PPM1H: variants seen among roughly 807,000 people sequenced by gnomAD.
The protein encoded by PPM1H is protein phosphatase, Mg2+/Mn2+ dependent 1H.
Under a neutral mutation model 54.9 loss-of-function variants are expected in PPM1H, and 27 were observed. That is an observed-to-expected ratio of 0.49 (90% CI 0.36 to 0.68). PPM1H has a LOEUF of 0.68. Among genes scored for constraint, PPM1H ranks in the 30% least tolerant of loss-of-function variants. PPM1H has a pLI of 0.00. For synonymous variants in PPM1H, 305 were observed against 270.8 expected (o/e 1.13, Z -1.24); for missense variants, 596 against 667.8 (o/e 0.89, Z 1.19).
chr12:62,667,383 C>T lies in PPM1H; in HGVS notation c.1246-54G>A, dbSNP rs377178147. On this transcript the variant is annotated intron_variant, in intron 8 of 9. Coordinates refer to ENST00000228705, the MANE Select transcript of PPM1H (RefSeq NM_020700.2). ...AAGAAATTGGAAGCATATTATTCTC[C>T]CTAACAAACTGACTTCTGATTCCCC... The T allele has an allele frequency of 4.3e-6, 6 of 1,408,340 alleles. No individual in the cohort carries two copies. The African/African-American group carries it at 8.6e-5, about 20-fold the overall frequency. The allele number at this position is 1,408,340 out of a possible 1,614,324, so 87.2% of individuals were successfully genotyped here. A position where few individuals can be genotyped will look rare whatever the true frequency, so the allele number is the denominator to read the frequency against.
Position 62,644,360 on chromosome 12 carries a change from C to G in PPM1H, c.*4129G>C, listed in dbSNP as rs1344091970. The G allele has an allele frequency of 1.3e-5, 2 of 152,144 alleles. No individual in the cohort carries two copies. The highest frequency in any genetic ancestry group is 4.8e-5 in the African/African-American group (2 of 41,420). The allele number at this position is 152,144 out of a possible 1,614,324, so 9.4% of individuals were successfully genotyped here. A position where few individuals can be genotyped will look rare whatever the true frequency, so the allele number is the denominator to read the frequency against. ...GGAGTAAAATAATAACCTCAGGACT[C>G]AGGAAACAAACACAAAATACTTGTG... On this transcript the variant is annotated 3_prime_UTR_variant, in exon 10 of 10. Coordinates refer to ENST00000228705, the MANE Select transcript of PPM1H (RefSeq NM_020700.2).
chr12:62,833,676 G>A (rs953055665), intron 1 of PPM1H, among the ~76,000 whole-genome samples: 12 of 152,162 alleles, frequency 7.9e-5, no homozygotes, highest in Non-Finnish European at 1.2e-4. Context: ...GTAAGCGAGC[G>A]TGTTTCAAAG....
chr12:62,725,002 G>C (rs1256299202), intron 5 of PPM1H, among the ~76,000 whole-genome samples: 3 of 152,180 alleles, frequency 2.0e-5, no homozygotes, highest in Non-Finnish European at 2.9e-5. Context: ...CGGTGACGCA[G>C]CATTTTTTAA....
At chr12:62,843,021 A>G (rs745826607) in intron 1 of PPM1H, among the ~76,000 whole-genome samples, 1 of 152,170 alleles carries the variant, frequency 6.6e-6, no homozygotes, top group African/African-American at 2.4e-5. Flanking sequence ...AGAAATGTTA[A>G]AAGTGTTTCA....
chr12:62,751,512 C>T (rs2076442665), intron 4 of PPM1H, among the ~76,000 whole-genome samples: 1 of 152,182 alleles, frequency 6.6e-6, no homozygotes, highest in South Asian at 2.1e-4. Context: ...GAAATCACAT[C>T]AAATCAGTAA....
chr12:62,818,121 T>C (rs902642375), intron 2 of PPM1H, among the ~76,000 whole-genome samples: 4 of 152,236 alleles, frequency 2.6e-5, no homozygotes, highest in Non-Finnish European at 4.4e-5. Flanking sequence ...TTCCTGGTTA[T>C]GGCCACAATA....
At chr12:62,832,387 G>A (rs1276606002) in intron 1 of PPM1H, 108 bp from the exon 2 acceptor site, 172 of 1,036,836 alleles carry the variant, frequency 1.7e-4, no homozygotes, top group Non-Finnish European at 5.6e-6. Flanking sequence ...CAGAACTACA[G>A]CCCTGCTTAA....
chr12:62,798,700 A>G (rs1420289795), intron 3 of PPM1H, among the ~76,000 whole-genome samples: 2 of 152,136 alleles, frequency 1.3e-5, no homozygotes, highest in African/African-American at 4.8e-5. Flanking sequence ...CTTCCTCCTC[A>G]TTCACCTGCC....
chr12:62,875,330 G>A (rs1870121599), intron 1 of PPM1H, among the ~76,000 whole-genome samples: 2 of 152,180 alleles, frequency 1.3e-5, no homozygotes, highest in Admixed American at 1.3e-4. Flanking sequence ...AAAAGTGAGT[G>A]TTGCTATGGA....
intron 1 of PPM1H, among the ~76,000 whole-genome samples, chr12:62,874,086 C>T (rs1259885826): frequency 6.6e-6 from 1 of 152,182 alleles, no homozygotes; most frequent in Non-Finnish European, 1.5e-5. Context: ...TCATGAGCCC[C>T]ACCCTAGACT....
chr12:62,885,054 A>G (rs376067911), intron 1 of PPM1H, among the ~76,000 whole-genome samples: 2 of 152,272 alleles, frequency 1.3e-5, no homozygotes, highest in African/African-American at 4.8e-5. Context: ...CACTTCTTAC[A>G]TGGTGGCGAC....
intron 1 of PPM1H, among the ~76,000 whole-genome samples, chr12:62,933,606 G>C (rs1449968483): frequency 2.6e-5 from 4 of 152,086 alleles, no homozygotes; most frequent in Non-Finnish European, 5.9e-5. Flanking sequence ...TTCCCGTTTC[G>C]TACAGCTGAG....
At chr12:62,920,882 A>T (rs966573938) in intron 1 of PPM1H, among the ~76,000 whole-genome samples, 1 of 152,182 alleles carries the variant, frequency 6.6e-6, no homozygotes, top group African/African-American at 2.4e-5. Flanking sequence ...TTAAATATAG[A>T]AACTCAATAA....
At chr12:62,892,750 A>C (rs759163805) in intron 1 of PPM1H, among the ~76,000 whole-genome samples, 23 of 152,222 alleles carry the variant, frequency 1.5e-4, no homozygotes, top group Non-Finnish European at 2.9e-4. Flanking sequence ...TGGTGATAAG[A>C]TGCTATCAAC....
At chr12:62,716,564 G>T (rs1443973746) in intron 6 of PPM1H, among the ~76,000 whole-genome samples, 4 of 152,166 alleles carry the variant, frequency 2.6e-5, no homozygotes, top group Admixed American at 2.0e-4. Flanking sequence ...CAGAAGAATG[G>T]GTTCCAGGCT....
At chr12:62,917,512 A>G (rs1470304931) in intron 1 of PPM1H, among the ~76,000 whole-genome samples, 4 of 152,208 alleles carry the variant, frequency 2.6e-5, no homozygotes, top group South Asian at 2.1e-4. Flanking sequence ...CTCAAAATGG[A>G]CATTCCAAAG....
intron 9 of PPM1H, among the ~76,000 whole-genome samples, chr12:62,655,993 A>C (rs1308810877): frequency 6.6e-6 from 1 of 152,252 alleles, no homozygotes; most frequent in African/African-American, 2.4e-5. Context: ...GGAGCAGAGA[A>C]AGGACAGCAG....
intron 1 of PPM1H, among the ~76,000 whole-genome samples, chr12:62,932,628 C>CTGTTTTTTTTTTT (rs1872176806): frequency 1.9e-5 from 1 of 54,006 alleles, no homozygotes; most frequent in African/African-American, 7.0e-5. Context: ...TCCAAATGGG[C>CTGTTTTTTTTTTT]TTTTTTTTTT....
intron 6 of PPM1H, among the ~76,000 whole-genome samples, chr12:62,697,760 CTAAT>C (rs1007895924): frequency 4.8e-4 from 73 of 152,032 alleles, no homozygotes; most frequent in African/African-American, 1.8e-3. Flanking sequence ...TTTTGAAATC[CTAAT>C]TAAATTTTTA....
Sources: allele counts gnomAD v4.1 joint callset (sites outside exome capture counted in the v4.1 genomes callset), GRCh38; gene constraint gnomAD v4.1.1; transcripts MANE v1.5; gene names NCBI Gene and HGNC (gene_info 2026-07-23, HGNC 2026-07-21).